RNPC3: variants seen among roughly 807,000 people sequenced by gnomAD.
RNPC3 encodes the protein RNA binding region (RNP1, RRM) containing 3.
A neutral mutation model predicts 67.5 loss-of-function variants in RNPC3; 48 were observed. The ratio of observed to expected loss-of-function variants is 0.71; its 90% CI spans 0.56 to 0.90. The LOEUF is 0.90. RNPC3 is among the 40% of genes least tolerant of loss of function. RNPC3 has a pLI of 0.00. For synonymous variants in RNPC3, 239 were observed against 210.3 expected, an observed-to-expected ratio of 1.14 and a Z score of -1.18; for missense variants, 637 against 626.1, an observed-to-expected ratio of 1.02 and a Z score of -0.19.
chr1:103,536,216 T>G, intron 6 of RNPC3, 22 bp downstream of exon 6: 4 of 1,516,968 alleles, frequency 2.6e-6, no homozygotes, highest in Non-Finnish European at 3.5e-6. Context: ...CTTAGAATTT[T>G]CAAGTCAAAA....
chr1:103,535,320 T>C lies in RNPC3; in HGVS notation c.444-10T>C, dbSNP rs772997110. 20 of 1,509,426 alleles carry C rather than the reference T, an allele frequency of 1.3e-5. No individual in the cohort carries two copies. The Admixed American group carries it at 1.6e-4, about 12-fold the overall frequency. 93.5% of individuals were successfully genotyped at this position (1,509,426 alleles called of 1,614,324 possible). On this transcript the variant is annotated splice_polypyrimidine_tract_variant and intron_variant, in intron 4 of 14. Coordinates refer to ENST00000423855, the MANE Select transcript of RNPC3 (RefSeq NM_017619.4). ...AAACATAAGCATCTTAAATGTTTTT[T>C]GTTTTATAGGCTGACTTTTCCTTTA...
At chr1:103,530,815 A>G (rs1366512656) in intron 2 of RNPC3, among the ~76,000 whole-genome samples, 3 of 152,198 alleles carry the variant, frequency 2.0e-5, no homozygotes, top group Non-Finnish European at 2.9e-5. Context: ...GATTCTTTAT[A>G]TATTTTGAAG....
chr1:103,545,251 G>T (rs1192304572), intron 10 of RNPC3, 149 bp downstream of exon 10: 2 of 608,134 alleles, frequency 3.3e-6, no homozygotes. Flanking sequence ...CACTTCTTCT[G>T]TTTTTTTTAA....
Position 103,537,396 on chromosome 1 carries a change from C to G in RNPC3, c.679C>G (p.Pro227Ala), listed in dbSNP as rs1388310313. 1 of 1,533,872 alleles carries G rather than the reference C, an allele frequency of 6.5e-7. No homozygotes were observed. ...APLPPTSPQP[P>A]EEPPLPDEDE... is the part of the protein sequence containing the mutation. ...TCTTCCACCCACATCTCCTCAGCCA[C>G]CTGAGGAACCTCCTTTGCCAGACGA... Residue 227 changes from proline to alanine, a missense_variant, in exon 7 of 15, where the codon CCT becomes GCT. This residue lies in a region of RNPC3 where 536 missense variants were observed against 500.3 expected (regional missense o/e 1.07). Coordinates refer to ENST00000423855, the MANE Select transcript of RNPC3 (RefSeq NM_017619.4).
chr1:103,553,993 G>C (rs1013139241), intron 14 of RNPC3: 1 of 152,214 alleles, frequency 6.6e-6, no homozygotes, highest in African/African-American at 2.4e-5. Flanking sequence ...CAGACTGGTT[G>C]ATGACCGTAA....
chr1:103,533,635 T>C, intron 2 of RNPC3, 104 bp from the exon 3 acceptor site: 1 of 649,178 alleles, frequency 1.5e-6, no homozygotes, highest in Non-Finnish European at 2.7e-6. Flanking sequence ...GTCAAGGAAC[T>C]GTTTACAGCA....
Position 103,536,062 on chromosome 1 carries a change from CA to C in RNPC3, c.556-63del, listed in dbSNP as rs200503138. The C allele has an allele frequency of 3.5e-3, 4,277 of 1,220,138 alleles. 114 individuals carry two copies. In the African/African-American group the frequency reaches 0.055, roughly 16 times the overall value. 75.6% of individuals were successfully genotyped at this position (1,220,138 alleles called of 1,614,324 possible). On this transcript the variant is annotated intron_variant, in intron 5 of 14. Coordinates refer to ENST00000423855, the MANE Select transcript of RNPC3 (RefSeq NM_017619.4). The stretch of plus-strand genomic sequence containing the variant: ...AGTGTTATAGCAAAGTTTCTTAGTA[CA>C]TAAAATACAAGATGTGAGTTGAATC...
At chr1:103,537,527 A>C in intron 7 of RNPC3, 43 bp downstream of exon 7, 1 of 1,484,798 alleles carries the variant, frequency 6.7e-7, no homozygotes, top group Non-Finnish European at 9.0e-7. Context: ...AGAAACATAG[A>C]ATGTAAGAAA....
Position 103,526,149 on chromosome 1 carries a change from C to A in RNPC3, c.79C>A (p.Arg27=). ...SSSLSPPRGD[R]TLLVRHLPAE... ...CTCGCTTTCCCCGCCTCGGGGCGACCGAACCCTTCTGGTCAGGCACCTGCC... is the reference window on the plus strand; with the variant it reads ...CTCGCTTTCCCCGCCTCGGGGCGACAGAACCCTTCTGGTCAGGCACCTGCC... Residue 27 remains arginine (R), a synonymous_variant, in exon 1 of 15, where the codon CGA becomes AGA. Transcript: ENST00000423855. 6.4e-7 allele frequency: 1 copy of A among 1,551,444 alleles called. No individual in the cohort carries two copies. The highest frequency in any genetic ancestry group is 8.7e-7 in the Non-Finnish European group (1 of 1,146,878).
chr1:103,527,410 C>T (rs1194431959), intron 1 of RNPC3, among the ~76,000 whole-genome samples: 1 of 152,168 alleles, frequency 6.6e-6, no homozygotes, highest in Non-Finnish European at 1.5e-5. Flanking sequence ...AAAAGTGACC[C>T]TCTGTGTAGA....
At chr1:103,546,461 G>A in intron 11 of RNPC3, 119 bp downstream of exon 11, 1 of 475,320 alleles carries the variant, frequency 2.1e-6, no homozygotes, top group Non-Finnish European at 3.7e-6. Context: ...TGTGCTTCAG[G>A]GCATGACAAA....
intron 13 of RNPC3, chr1:103,551,347 G>C: frequency 5.0e-6 from 2 of 397,560 alleles, no homozygotes; most frequent in South Asian, 9.2e-5. Context: ...TAAGAGACTA[G>C]AGTATCCAGA....
chr1:103,554,127 G>A (rs759527293), intron 14 of RNPC3: 1 of 152,306 alleles, frequency 6.6e-6, no homozygotes, highest in Admixed American at 6.5e-5. Context: ...TCCGAGATGG[G>A]AGAATCACTT....
intron 12 of RNPC3, among the ~76,000 whole-genome samples, chr1:103,549,828 T>C (rs1434185263): frequency 2.0e-5 from 3 of 152,130 alleles, no homozygotes; most frequent in Non-Finnish European, 2.9e-5. Context: ...ATCATTGAGG[T>C]TCCTTTCTAC....
chr1:103,543,396 G>T lies in RNPC3; in HGVS notation c.994G>T (p.Ala332Ser), dbSNP rs1472929943. The T allele has an allele frequency of 6.6e-7, 1 of 1,519,116 alleles. No individual in the cohort carries two copies. The highest frequency in any genetic ancestry group is 1.4e-5 in the African/African-American group (1 of 71,826). The allele number at this position is 1,519,116 out of a possible 1,614,324, so 94.1% of individuals were successfully genotyped here. ...CCATATATCTACCGACATGCCAGCT[G>T]CATTTAAGAAAGATTTAGAAAAGGA... The part of the protein sequence containing the change: ...EFHISTDMPA[A>S]FKKDLEKEQN... The change falls in exon 9 of 15, where the codon GCA (alanine) becomes TCA (serine). Residue 332 changes from alanine to serine, a missense_variant. This residue lies in a region of RNPC3 where 536 missense variants were observed against 500.3 expected (regional missense o/e 1.07). Coordinates refer to ENST00000423855, the MANE Select transcript of RNPC3 (RefSeq NM_017619.4).
chr1:103,536,185 A>G lies in RNPC3; in HGVS notation c.615A>G (p.Arg205=). 2 of 1,534,788 alleles carry G rather than the reference A, an allele frequency of 1.3e-6. No individual in the cohort carries two copies. Among genetic ancestry groups the G allele is most frequent in the Non-Finnish European group, 1.7e-6 (2 of 1,145,222 alleles). The change falls in exon 6 of 15, where the codon CGA becomes CGG. Residue 205 remains arginine (R), a synonymous_variant. Coordinates refer to ENST00000423855, the MANE Select transcript of RNPC3 (RefSeq NM_017619.4). ...LPTPFGPITA[R]PPMYEDYMPL... is the part of the protein sequence containing the mutation. ...CACCTTTTGGACCAATTACTGCGCG[A>G]CCTCCCATGGTAAGAAAACTCTTAG...
chr1:103,544,145 G>A (rs1651189002), intron 9 of RNPC3, among the ~76,000 whole-genome samples: 2 of 151,524 alleles, frequency 1.3e-5, no homozygotes, highest in Non-Finnish European at 1.5e-5. Context: ...TTAGCAATTT[G>A]GTATGTGTAT....
chr1:103,535,869 G>T (rs1282175437), intron 5 of RNPC3, among the ~76,000 whole-genome samples: 1 of 151,950 alleles, frequency 6.6e-6, no homozygotes, highest in Non-Finnish European at 1.5e-5. Flanking sequence ...AATCATTTCA[G>T]TGGTTTTTAT....
At chr1:103,527,840 G>A (rs1042368138) in intron 2 of RNPC3, 98 bp downstream of exon 2, 15 of 831,684 alleles carry the variant, frequency 1.8e-5, no homozygotes, top group Non-Finnish European at 2.5e-5. Flanking sequence ...AAGCAAAAGC[G>A]TTTGTATTCC....
Sources: allele counts gnomAD v4.1 joint callset (sites outside exome capture counted in the v4.1 genomes callset), GRCh38; gene constraint gnomAD v4.1.1; regional missense constraint gnomAD v4.1.1; transcripts MANE v1.5; gene names NCBI Gene and HGNC (gene_info 2026-07-23, HGNC 2026-07-21).